The following MRTFB variants were observed in gnomAD, a reference collection of about 807,000 sequenced individuals.
MRTFB encodes myocardin-related transcription factor B.
In MRTFB, 29 loss-of-function variants were observed where a neutral mutation model predicts 104.2. The observed-to-expected ratio is 0.28, with a 90% CI of 0.21 to 0.38. The LOEUF (loss-of-function observed/expected upper bound fraction) is 0.38, where lower values mean the gene tolerates loss of function less well. Ranked by LOEUF, MRTFB falls within the 10% of genes least tolerant of loss-of-function variation. MRTFB has a pLI of 1.00. For synonymous variants in MRTFB, 535 were observed against 519.5 expected, an observed-to-expected ratio of 1.03 and a Z score of -0.41; for missense variants, 1,270 against 1,341.6, an observed-to-expected ratio of 0.95 and a Z score of 0.83.
intron 2 of MRTFB, among the ~76,000 whole-genome samples, chr16:14,084,615 G>A (rs560721171): frequency 2.2e-4 from 34 of 152,294 alleles, no homozygotes; most frequent in African/African-American, 8.2e-4. Flanking sequence ...GATATCAATT[G>A]TGGAATAGCA....
chr16:14,162,495 C>T (rs2039080130), intron 3 of MRTFB, among the ~76,000 whole-genome samples: 1 of 152,164 alleles, frequency 6.6e-6, no homozygotes, highest in Non-Finnish European at 1.5e-5. Context: ...TGCTCATCTG[C>T]AGTAGCATGG....
rs140295772 is a variant in MRTFB at position 14,091,927 on chromosome 16, G to A, written c.-64+12573G>A. ...GAAGAATTGCTTGAACCCGGGAGGC[G>A]GAGGTTGCAGTGAGCCGAGATCATG... is the stretch of plus-strand genomic sequence containing the variant. On this transcript the variant is annotated intron_variant, in intron 2 of 16. Coordinates refer to ENST00000571589, the MANE Select transcript of MRTFB (RefSeq NM_001308142.2). Among the ~76,000 whole-genome samples the A allele has an allele frequency of 9.3e-5, 14 of 150,150 alleles. No individual in the cohort carries two copies. The East Asian group carries it at 2.0e-3, about 21-fold the overall frequency.
intron 10 of MRTFB, among the ~76,000 whole-genome samples, chr16:14,243,043 G>T (rs575227884): frequency 1.3e-5 from 2 of 152,262 alleles, no homozygotes; most frequent in East Asian, 3.9e-4. Context: ...CATGGGGAGA[G>T]AGATGTGGAG....
At chr16:14,120,673 A>G (rs1486814553) in intron 2 of MRTFB, among the ~76,000 whole-genome samples, 2 of 152,220 alleles carry the variant, frequency 1.3e-5, no homozygotes, top group South Asian at 4.1e-4. Flanking sequence ...CTTCTGCACT[A>G]TCTTAATCAC....
At chr16:14,187,136 G>A in intron 3 of MRTFB, 1 of 899,592 alleles carries the variant, frequency 1.1e-6, no homozygotes, top group Admixed American at 2.6e-5. Flanking sequence ...TGCTCTCTCT[G>A]TTCACTCATG....
intron 8 of MRTFB, among the ~76,000 whole-genome samples, chr16:14,222,636 C>T (rs915102220): frequency 6.6e-6 from 1 of 151,220 alleles, no homozygotes; most frequent in Non-Finnish European, 1.5e-5. Context: ...CCTATAATTC[C>T]AGCACTTTGA....
intron 8 of MRTFB, among the ~76,000 whole-genome samples, chr16:14,223,851 C>T (rs556647002): frequency 1.3e-5 from 2 of 152,222 alleles, no homozygotes; most frequent in South Asian, 4.1e-4. Context: ...CATGGATATA[C>T]AAATACAGTC....
chr16:14,120,758 G>T (rs1028829371), intron 2 of MRTFB, among the ~76,000 whole-genome samples: 1 of 152,188 alleles, frequency 6.6e-6, no homozygotes, highest in African/African-American at 2.4e-5. Flanking sequence ...TTGGAACTTA[G>T]TGTGTGGGGG....
the MRTFB span, among the ~76,000 whole-genome samples, chr16:14,044,683 A>G: frequency 6.6e-6 from 1 of 152,324 alleles, no homozygotes; most frequent in South Asian, 2.1e-4. Flanking sequence ...TCATTGATCT[A>G]GAGGAACTAG....
chr16:14,237,889 G>A (rs1461807008), intron 9 of MRTFB, among the ~76,000 whole-genome samples: 1 of 152,214 alleles, frequency 6.6e-6, no homozygotes, highest in African/African-American at 2.4e-5. Context: ...TATTCTGTAA[G>A]AGTAGGAAAA....
chr16:14,243,864 G>GTTTGTTTTTTTTTTTTGTTT (rs750881308), intron 10 of MRTFB, among the ~76,000 whole-genome samples: 1 of 124,676 alleles, frequency 8.0e-6, no homozygotes, highest in African/African-American at 3.8e-5. Flanking sequence ...CCTGTTTTGG[G>GTTTGTTTTTTTTTTTTGTTT]TTTTTTTTTT....
chr16:14,235,022 C>T (rs1407112926), intron 9 of MRTFB, among the ~76,000 whole-genome samples: 1 of 152,110 alleles, frequency 6.6e-6, no homozygotes, highest in African/African-American at 2.4e-5. Flanking sequence ...AACTTCTCAC[C>T]ACCCTTCAGA....
intron 3 of MRTFB, among the ~76,000 whole-genome samples, chr16:14,166,772 G>T (rs756041358): frequency 6.6e-6 from 1 of 150,380 alleles, no homozygotes; most frequent in Non-Finnish European, 1.5e-5. Flanking sequence ...TTGATTTTCT[G>T]TTCCTGCATT....
chr16:14,237,109 A>G (rs988516056), intron 9 of MRTFB, among the ~76,000 whole-genome samples: 1 of 152,206 alleles, frequency 6.6e-6, no homozygotes, highest in Non-Finnish European at 1.5e-5. Context: ...AGGCAGCTGG[A>G]TAGATGAGTG....
At chr16:14,140,846 T>C in intron 3 of MRTFB, 86 bp downstream of exon 3, 3 of 1,545,896 alleles carry the variant, frequency 1.9e-6, no homozygotes, top group South Asian at 1.2e-5. Context: ...GTAGTAATAT[T>C]TTGGTCAGTT....
intron 8 of MRTFB, among the ~76,000 whole-genome samples, chr16:14,225,411 A>G (rs1209500865): frequency 6.6e-6 from 1 of 151,452 alleles, no homozygotes; most frequent in Non-Finnish European, 1.5e-5. Flanking sequence ...TATGTGACTG[A>G]AGTTGTTATC....
chr16:14,104,578 G>A (rs2035873226), intron 2 of MRTFB, among the ~76,000 whole-genome samples: 1 of 152,036 alleles, frequency 6.6e-6, no homozygotes. Context: ...AAAGTGTTGG[G>A]GTTTCGCTTT....
chr16:14,066,109 G>A, the MRTFB span, among the ~76,000 whole-genome samples: 1 of 152,100 alleles, frequency 6.6e-6, no homozygotes, highest in African/African-American at 2.4e-5. Context: ...GCACTTAAGT[G>A]CTTAATACAT....
upstream of MRTFB, among the ~76,000 whole-genome samples, chr16:14,067,985 C>T (rs1233397942): frequency 6.6e-6 from 1 of 152,072 alleles, no homozygotes; most frequent in Non-Finnish European, 1.5e-5. Context: ...CCGCCCGCCA[C>T]CATGCCTGGG....
Sources: allele counts gnomAD v4.1 joint callset (sites outside exome capture counted in the v4.1 genomes callset), GRCh38; gene constraint gnomAD v4.1.1; transcripts MANE v1.5; gene names NCBI Gene and HGNC (gene_info 2026-07-23, HGNC 2026-07-21).